Variants in MAP2K1 observed in about 807,000 individuals in gnomAD.
MAP2K1 encodes the protein dual specificity mitogen-activated protein kinase kinase 1.
Under a neutral mutation model 46.3 loss-of-function variants are expected in MAP2K1, and 16 were observed. The observed-to-expected ratio is 0.35, with a 90% CI of 0.23 to 0.52. MAP2K1 has a LOEUF of 0.52. Among genes scored for constraint, MAP2K1 ranks in the 20% least tolerant of loss-of-function variants. MAP2K1 has a pLI of 0.94. For synonymous variants in MAP2K1, 183 were observed against 185.6 expected (o/e 0.99, Z 0.11); for missense variants, 263 against 497.1 (o/e 0.53, Z 4.48).
rs1290055913 is a variant in MAP2K1, at chr15:66,387,418, G to C, written c.71G>C (p.Ser24Thr). The change falls in exon 1 of 11, where the codon AGC becomes ACC. Residue 24 changes from serine (S) to threonine (T), a missense_variant. Physicochemically the swap from Ser to Thr is moderately conservative, Grantham distance 58. This residue lies in a region of MAP2K1 where 103 missense variants were observed against 221.6 expected (regional missense o/e 0.46). Coordinates refer to ENST00000307102, the MANE Select transcript of MAP2K1 (RefSeq NM_002755.4). ...APDGSAVNGT[S>T]SAETNLEALQ... is the part of the protein sequence containing the mutation. ...GACGGCTCTGCAGTTAACGGGACCA[G>C]CTCTGCGGAGTAAGTATGGGGCGGG... The C allele has an allele frequency of 4.5e-6, 7 of 1,558,056 alleles. No homozygotes were observed. The highest frequency in any genetic ancestry group is 3.9e-5 in the Admixed American group (2 of 51,724).
chr15:66,396,773 C>T (rs2093368618), intron 1 of MAP2K1, among the ~76,000 whole-genome samples: 2 of 151,792 alleles, frequency 1.3e-5, no homozygotes, highest in Non-Finnish European at 2.9e-5. Flanking sequence ...CAACCTCTGC[C>T]TCCTGGGTTC....
At chr15:66,433,388 G>C (rs1677272902) in intron 1 of MAP2K1, among the ~76,000 whole-genome samples, 1 of 152,232 alleles carries the variant, frequency 6.6e-6, no homozygotes, top group Non-Finnish European at 1.5e-5. Flanking sequence ...CAGGGTGCCA[G>C]CATGGTTGGG....
At chr15:66,447,097 G>C (rs548815278) in intron 5 of MAP2K1, among the ~76,000 whole-genome samples, 322 of 152,246 alleles carry the variant, frequency 2.1e-3, no homozygotes, top group African/African-American at 7.5e-3. Context: ...ACTAGGGTGG[G>C]CTGTTGGAAC....
Position 66,415,419 on chromosome 15 carries a change from C to T in MAP2K1, c.81-19608C>T, listed in dbSNP as rs542505677. Among the ~76,000 whole-genome samples the T allele has an allele frequency of 2.0e-5, 3 of 152,362 alleles. No homozygotes were observed. In the South Asian group the frequency reaches 6.2e-4, roughly 32 times the overall value. ...TACAACATCCTCCTAACCCCCAAAG[C>T]TGTCTAGTCCTCATCTTTGTGATGT... is the stretch of plus-strand genomic sequence containing the variant. On this transcript the variant is annotated intron_variant, in intron 1 of 10. Transcript: ENST00000307102.
chr15:66,421,708 G>A (rs1000729303), intron 1 of MAP2K1, among the ~76,000 whole-genome samples: 1 of 151,250 alleles, frequency 6.6e-6, no homozygotes, highest in African/African-American at 2.4e-5. Flanking sequence ...GCTGAGGTGG[G>A]AGGAACACTT....
At chr15:66,416,651 T>G (rs759449136) in intron 1 of MAP2K1, among the ~76,000 whole-genome samples, 1 of 152,212 alleles carries the variant, frequency 6.6e-6, no homozygotes, top group Non-Finnish European at 1.5e-5. Flanking sequence ...TTTTTCTCTT[T>G]TTGCTCTGTT....
chr15:66,490,678 C>T lies in MAP2K1; in HGVS notation c.*63C>T, dbSNP rs767930298. 10 of 1,184,574 alleles carry T rather than the reference C, an allele frequency of 8.4e-6. No homozygotes were observed. The highest frequency in any genetic ancestry group is 6.1e-5 in the South Asian group (5 of 82,412). The allele number at this position is 1,184,574 out of a possible 1,614,324, so 73.4% of individuals were successfully genotyped here. A position where few individuals can be genotyped will look rare whatever the true frequency, so the allele number is the denominator to read the frequency against. On this transcript the variant is annotated 3_prime_UTR_variant, in exon 11 of 11. Transcript: ENST00000307102. The stretch of plus-strand genomic sequence containing the variant: ...GTGGTTTGCCATGTCGCTTTTGGGC[C>T]TCCTTCCCATGCCTGTCTCTGTTCA...
intron 1 of MAP2K1, among the ~76,000 whole-genome samples, chr15:66,426,844 A>C (rs1432443): frequency 0.28 from 42,291 of 152,146 alleles, 6,532 homozygotes; most frequent in South Asian, 0.37. Context: ...CTCTAATCCT[A>C]ACATATCCTT....
intron 1 of MAP2K1, among the ~76,000 whole-genome samples, chr15:66,392,697 G>A (rs35040884): frequency 0.04 from 6,087 of 151,650 alleles, 180 homozygotes; most frequent in Non-Finnish European, 0.064. Context: ...GGGATTACAG[G>A]CATGTGCCAC....
Position 66,490,841 on chromosome 15 carries a change from T to G in MAP2K1, c.*226T>G. ...AGTGGATTGGCTTTGTGCTTGGGGCTATTTGTGTGTATGCTGATGATCAAA... is the reference window on the plus strand; with the variant it reads ...AGTGGATTGGCTTTGTGCTTGGGGCGATTTGTGTGTATGCTGATGATCAAA... On this transcript the variant is annotated 3_prime_UTR_variant, in exon 11 of 11. Coordinates refer to ENST00000307102, the MANE Select transcript of MAP2K1 (RefSeq NM_002755.4). 1.6e-6 allele frequency: 1 copy of G among 606,266 alleles called. No individual in the cohort carries two copies. The highest frequency in any genetic ancestry group is 2.3e-5 in the Admixed American group (1 of 43,076). 37.6% of individuals were successfully genotyped at this position (606,266 alleles called of 1,614,324 possible).
chr15:66,487,818 G>C (rs1893093647), intron 8 of MAP2K1, among the ~76,000 whole-genome samples: 1 of 152,102 alleles, frequency 6.6e-6, no homozygotes, highest in South Asian at 2.1e-4. Context: ...TACTGCTGGG[G>C]ACCTAGGCTA....
chr15:66,413,171 C>T (rs1567000008), intron 1 of MAP2K1, among the ~76,000 whole-genome samples: 1 of 152,204 alleles, frequency 6.6e-6, no homozygotes, highest in Admixed American at 6.5e-5. Context: ...GCTGGGATTA[C>T]AGGCATGAGC....
intron 1 of MAP2K1, among the ~76,000 whole-genome samples, chr15:66,423,079 G>A (rs985426088): frequency 1.3e-5 from 2 of 151,996 alleles, no homozygotes; most frequent in African/African-American, 4.8e-5. Flanking sequence ...GGTATTACAA[G>A]CATGAGCCAC....
chr15:66,446,769 C>G (rs1257492647), intron 5 of MAP2K1: 1 of 315,988 alleles, frequency 3.2e-6, no homozygotes, highest in East Asian at 8.1e-5. Context: ...CCTTGCACCA[C>G]AGCCTTCCAC....
intron 1 of MAP2K1, among the ~76,000 whole-genome samples, chr15:66,415,421 G>A (rs185672194): frequency 6.6e-6 from 1 of 152,286 alleles, no homozygotes; most frequent in East Asian, 1.9e-4. Flanking sequence ...CCCCAAAGCT[G>A]TCTAGTCCTC....
At chr15:66,390,471 G>C (rs1282379366) in intron 1 of MAP2K1, among the ~76,000 whole-genome samples, 1 of 152,156 alleles carries the variant, frequency 6.6e-6, no homozygotes. Context: ...AAATTGGCAA[G>C]GTTGCTTTTC....
chr15:66,484,279 C>G (rs1314533670), intron 6 of MAP2K1, among the ~76,000 whole-genome samples: 1 of 152,010 alleles, frequency 6.6e-6, no homozygotes, highest in Non-Finnish European at 1.5e-5. Context: ...TCCCAAGTAG[C>G]TGGGATTACA....
chr15:66,396,403 A>G (rs983400760), intron 1 of MAP2K1, among the ~76,000 whole-genome samples: 15 of 151,834 alleles, frequency 9.9e-5, no homozygotes, highest in Non-Finnish European at 8.8e-5. Flanking sequence ...CCAAGTAGCT[A>G]TGATAACAGG....
intron 1 of MAP2K1, among the ~76,000 whole-genome samples, chr15:66,410,599 AT>A (rs1318597721): frequency 6.6e-6 from 1 of 152,122 alleles, no homozygotes; most frequent in East Asian, 1.9e-4. Context: ...AAATGTAACA[AT>A]AGGTCCAAGT....
Sources: allele counts gnomAD v4.1 joint callset (sites outside exome capture counted in the v4.1 genomes callset), GRCh38; gene constraint gnomAD v4.1.1; regional missense constraint gnomAD v4.1.1; transcripts MANE v1.5; gene names NCBI Gene and HGNC (gene_info 2026-07-23, HGNC 2026-07-21).